The following C8A variants were observed in gnomAD, a reference collection of about 807,000 sequenced individuals.
The protein encoded by C8A is complement component C8 alpha chain.
In C8A, 67 loss-of-function variants were observed where a neutral mutation model predicts 65.3. The ratio of observed to expected loss-of-function variants is 1.03; its 90% CI spans 0.84 to 1.26. C8A has a LOEUF of 1.26. C8A is among the 50% of genes most tolerant of loss of function. The probability of loss-of-function intolerance (pLI) is 0.00; values close to 1 mark genes in which losing one functional copy is unlikely to be tolerated. For synonymous variants in C8A, 290 were observed against 259.4 expected, an observed-to-expected ratio of 1.12 and a Z score of -1.13; for missense variants, 781 against 723.9, an observed-to-expected ratio of 1.08 and a Z score of -0.90.
At chr1:56,863,775 A>T (rs867039198) in intron 1 of C8A, among the ~76,000 whole-genome samples, 11 of 152,292 alleles carry the variant, frequency 7.2e-5, no homozygotes, top group South Asian at 6.2e-4. Context: ...TCAAATAAAT[A>T]TCTCAACAAT....
intron 7 of C8A, among the ~76,000 whole-genome samples, chr1:56,891,906 T>A (rs1644349097): frequency 6.6e-6 from 1 of 152,296 alleles, no homozygotes; most frequent in Admixed American, 6.5e-5. Context: ...ATTATATATT[T>A]GTCTCTTCTG....
At chr1:56,907,725 G>A (rs983540572) in intron 8 of C8A, among the ~76,000 whole-genome samples, 2 of 152,180 alleles carry the variant, frequency 1.3e-5, no homozygotes, top group African/African-American at 4.8e-5. Context: ...TATCCTCCAT[G>A]TGGTCTGGGC....
At chr1:56,917,506 A>G (rs1644561922) in intron 10 of C8A, 59 bp from the exon 11 acceptor site, 2 of 1,587,074 alleles carry the variant, frequency 1.3e-6, no homozygotes, top group Non-Finnish European at 1.7e-6. Flanking sequence ...ATCACCAGAC[A>G]GGCCCTTCCT....
intron 7 of C8A, among the ~76,000 whole-genome samples, chr1:56,896,241 G>T (rs1361360234): frequency 6.6e-6 from 1 of 152,008 alleles, no homozygotes; most frequent in Non-Finnish European, 1.5e-5. Context: ...ATAATATAGA[G>T]ATTTATTACA....
At chr1:56,870,441 C>T (rs1360894102) in intron 2 of C8A, among the ~76,000 whole-genome samples, 1 of 152,128 alleles carries the variant, frequency 6.6e-6, no homozygotes, top group East Asian at 1.9e-4. Flanking sequence ...GCTGCCTCAT[C>T]TGTGTGTCTT....
At chr1:56,877,586 A>G (rs1171497977) in intron 4 of C8A, among the ~76,000 whole-genome samples, 5 of 152,098 alleles carry the variant, frequency 3.3e-5, no homozygotes, top group Admixed American at 3.3e-4. Flanking sequence ...TCCTAACTTG[A>G]ATAAACTCTT....
At chr1:56,868,904 A>C (rs915926324) in intron 2 of C8A, among the ~76,000 whole-genome samples, 1 of 152,210 alleles carries the variant, frequency 6.6e-6, no homozygotes, top group Non-Finnish European at 1.5e-5. Flanking sequence ...TGGAGTATAA[A>C]AGTACCTACT....
chr1:56,876,262 C>T (rs1302410277), intron 4 of C8A, 53 bp downstream of exon 4: 25 of 1,607,922 alleles, frequency 1.6e-5, no homozygotes, highest in Middle Eastern at 1.7e-4. Flanking sequence ...TGTCTTCAAT[C>T]GTGAGCATTA....
At chr1:56,861,553 G>A (rs1308238182) in intron 1 of C8A, among the ~76,000 whole-genome samples, 7 of 152,056 alleles carry the variant, frequency 4.6e-5, no homozygotes, top group Middle Eastern at 3.2e-3. Context: ...CTGCCACATC[G>A]GGAATCAAGT....
At chr1:56,903,107 T>C (rs1400800101) in intron 7 of C8A, among the ~76,000 whole-genome samples, 2 of 152,168 alleles carry the variant, frequency 1.3e-5, no homozygotes, top group Non-Finnish European at 2.9e-5. Flanking sequence ...GGGTAGGATG[T>C]TAAAGTTTTC....
Position 56,885,946 on chromosome 1 carries a change from T to A in C8A, c.875T>A (p.Ile292Asn), listed in dbSNP as rs1439450669. ...YNEKKFIFTRIFTKVQTAHFK... is the reference protein window; with the variant it reads ...YNEKKFIFTRNFTKVQTAHFK... Reference sequence around the variant, plus strand: ...TGGCAGAAATTCATTTTCACAAGAATCTTCACAAAGGTGCAGACTGCACAT... The same window carrying A: ...TGGCAGAAATTCATTTTCACAAGAAACTTCACAAAGGTGCAGACTGCACAT... The change falls in exon 7 of 11, where the codon ATC becomes AAC. Residue 292 changes from isoleucine (I) to asparagine (N), a missense_variant. Transcript: ENST00000361249. 2 of 1,613,854 alleles carry A rather than the reference T, an allele frequency of 1.2e-6. No homozygotes were observed. The highest frequency in any genetic ancestry group is 1.7e-6 in the Non-Finnish European group (2 of 1,179,914).
At chr1:56,879,696 A>G (rs1218186370) in intron 4 of C8A, among the ~76,000 whole-genome samples, 1 of 152,226 alleles carries the variant, frequency 6.6e-6, no homozygotes, top group East Asian at 1.9e-4. Context: ...GTGAGGTTGA[A>G]AGCTAAACGT....
rs1037415351 is a variant in C8A at position 56,908,088 on chromosome 1, A to G, written c.1355A>G (p.Tyr452Cys). 3 of 1,614,208 alleles carry G rather than the reference A, an allele frequency of 1.9e-6. No individual in the cohort carries two copies. ...TYRSWGRSLK[Y>C]NPVVIDFEMQ... ...CGTTCCTGGGGGAGGTCATTAAAGTATAATCCTGTTGTTATCGATTTTGAG... is the reference window on the plus strand; with the variant it reads ...CGTTCCTGGGGGAGGTCATTAAAGTGTAATCCTGTTGTTATCGATTTTGAG... The change falls in exon 9 of 11, where the codon TAT (tyrosine) becomes TGT (cysteine). Residue 452 changes from tyrosine (Y) to cysteine (C), a missense_variant. Coordinates refer to ENST00000361249, the MANE Select transcript of C8A (RefSeq NM_000562.3).
chr1:56,875,765 T>C, intron 3 of C8A, among the ~76,000 whole-genome samples: 1 of 151,928 alleles, frequency 6.6e-6, no homozygotes, highest in East Asian at 1.9e-4. Context: ...AGAAGAGGAA[T>C]GGAGAACCAC....
At chr1:56,862,741 C>T (rs1020275746) in intron 1 of C8A, among the ~76,000 whole-genome samples, 16 of 152,068 alleles carry the variant, frequency 1.1e-4, no homozygotes, top group African/African-American at 3.9e-4. Context: ...TCCCTATGCT[C>T]CGTATTAAAT....
chr1:56,858,203 G>C (rs575998762), intron 1 of C8A, among the ~76,000 whole-genome samples: 1 of 151,868 alleles, frequency 6.6e-6, no homozygotes, highest in African/African-American at 2.4e-5. Flanking sequence ...TTTCTGTTTC[G>C]TTGGTCTTTA....
At chr1:56,917,474 T>C in intron 10 of C8A, 91 bp from the exon 11 acceptor site, 1 of 1,362,250 alleles carries the variant, frequency 7.3e-7, no homozygotes, top group Non-Finnish European at 1.0e-6. Context: ...CTCCCAAGGG[T>C]GCCACACACC....
intron 7 of C8A, among the ~76,000 whole-genome samples, chr1:56,905,193 C>T (rs1644454193): frequency 6.6e-6 from 1 of 152,156 alleles, no homozygotes; most frequent in Admixed American, 6.5e-5. Flanking sequence ...CATCACTTTC[C>T]CCAAGCACTT....
At chr1:56,888,041 T>C (rs993243820) in intron 7 of C8A, among the ~76,000 whole-genome samples, 1 of 152,180 alleles carries the variant, frequency 6.6e-6, no homozygotes, top group African/African-American at 2.4e-5. Context: ...AGATGACGGG[T>C]TGATGGATGC....
Sources: gnomAD v4.1 joint callset for allele counts (sites outside exome capture counted in the v4.1 genomes callset) on GRCh38, gnomAD v4.1.1 for gene constraint, MANE v1.5 for transcripts, NCBI Gene and HGNC (gene_info 2026-07-23, HGNC 2026-07-21) for gene names.